The following MAGI2 variants were observed in gnomAD, a reference collection of about 807,000 sequenced individuals.
MAGI2 encodes the protein membrane-associated guanylate kinase, WW and PDZ domain-containing protein 2.
In MAGI2, 35 loss-of-function variants were observed where a neutral mutation model predicts 133.3. The ratio of observed to expected loss-of-function variants is 0.26; its 90% CI spans 0.20 to 0.35. The LOEUF is 0.35. MAGI2 is among the 10% of genes least tolerant of loss of function. The pLI is 1.00. For missense variants in MAGI2, 1,636 were observed against 1,863.4 expected (o/e 0.88, Z 2.25); for synonymous variants, 729 against 710.6 (o/e 1.03, Z -0.41).
chr7:78,249,035 T>C (rs1017838310), intron 10 of MAGI2, among the ~76,000 whole-genome samples: 1 of 150,042 alleles, frequency 6.7e-6, no homozygotes, highest in Non-Finnish European at 1.5e-5. Flanking sequence ...TAAAAAAAAA[T>C]AATAAAAAAA....
At chr7:78,782,740 C>A (rs1452847236) in intron 2 of MAGI2, among the ~76,000 whole-genome samples, 1 of 152,044 alleles carries the variant, frequency 6.6e-6, no homozygotes, top group Non-Finnish European at 1.5e-5. Flanking sequence ...GCAGATATGG[C>A]CTGGGCAAAG....
At chr7:79,080,365 T>TTA (rs1266082011) in intron 1 of MAGI2, among the ~76,000 whole-genome samples, 1 of 152,094 alleles carries the variant, frequency 6.6e-6, no homozygotes, top group Non-Finnish European at 1.5e-5. Context: ...GGTCAATAAA[T>TTA]TATATATATT....
chr7:79,010,136 A>T (rs1807903100), intron 1 of MAGI2, among the ~76,000 whole-genome samples: 1 of 152,030 alleles, frequency 6.6e-6, no homozygotes, highest in African/African-American at 2.4e-5. Flanking sequence ...GATGTGTATA[A>T]TACATGTGTG....
At chr7:78,499,197 C>A (rs1794402675) in intron 5 of MAGI2, among the ~76,000 whole-genome samples, 1 of 152,162 alleles carries the variant, frequency 6.6e-6, no homozygotes, top group Non-Finnish European at 1.5e-5. Flanking sequence ...GCTTCCTCAC[C>A]ATTCCTAATA....
chr7:78,423,282 C>T (rs955168906), intron 6 of MAGI2, among the ~76,000 whole-genome samples: 1 of 152,182 alleles, frequency 6.6e-6, no homozygotes, highest in Admixed American at 6.5e-5. Context: ...CAAGCTCTCT[C>T]TTTGCCTGAC....
At chr7:78,148,070 A>C (rs967409922) in intron 16 of MAGI2, among the ~76,000 whole-genome samples, 1 of 152,206 alleles carries the variant, frequency 6.6e-6, no homozygotes, top group African/African-American at 2.4e-5. Context: ...ATTTCCACAC[A>C]CAAAAAGACC....
intron 2 of MAGI2, among the ~76,000 whole-genome samples, chr7:78,976,216 T>C (rs991811093): frequency 6.6e-6 from 1 of 151,528 alleles, no homozygotes; most frequent in African/African-American, 2.4e-5. Flanking sequence ...ATGTATAAAA[T>C]AAGTTATAAA....
intron 2 of MAGI2, among the ~76,000 whole-genome samples, chr7:78,959,836 C>T (rs140623108): frequency 1.1e-3 from 174 of 152,212 alleles, no homozygotes; most frequent in African/African-American, 4.1e-3. Flanking sequence ...CCGGCAAACA[C>T]GGATGTGAGC....
At chr7:78,275,210 A>C (rs1794947266) in intron 9 of MAGI2, among the ~76,000 whole-genome samples, 1 of 152,138 alleles carries the variant, frequency 6.6e-6, no homozygotes, top group African/African-American at 2.4e-5. Flanking sequence ...AGAATTCCCC[A>C]ACCCCTTGTG....
In MAGI2 at chr7:78,609,193, T is replaced by C. The variant is rs139591433; in HGVS notation, c.538+17927A>G. Among the ~76,000 whole-genome samples the C allele has an allele frequency of 7.3e-3, 1,109 of 152,290 alleles. 19 individuals carry two copies. The highest frequency in any genetic ancestry group is 0.025 in the African/African-American group (1,050 of 41,550). On this transcript the variant is annotated intron_variant, in intron 3 of 21. Transcript: ENST00000354212. Reference sequence around the variant, plus strand: ...CAGCCCACTGACTCAAATGTTAATCTCCTTTGGCAACACCCTCACAGATAC... The same window carrying C: ...CAGCCCACTGACTCAAATGTTAATCCCCTTTGGCAACACCCTCACAGATAC...
Position 79,061,342 on chromosome 7 carries a change from A to G in MAGI2, c.302-54136T>C, listed in dbSNP as rs559594832. Among the ~76,000 whole-genome samples, 155 of 151,516 alleles carry G rather than the reference A, an allele frequency of 1.0e-3. 1 individual carries two copies. Among genetic ancestry groups the G allele is most frequent in the African/African-American group, 3.7e-3 (152 of 41,290 alleles). On this transcript the variant is annotated intron_variant, in intron 1 of 21. Coordinates refer to ENST00000354212, the MANE Select transcript of MAGI2 (RefSeq NM_012301.4). ...TTTCTCGGGCCTTTCATTATATGAC[A>G]CTCGTTTCCTGTATTCAAGCTCAAC... is the stretch of plus-strand genomic sequence containing the variant.
intron 9 of MAGI2, among the ~76,000 whole-genome samples, chr7:78,321,659 T>G (rs924364525): frequency 6.6e-6 from 1 of 152,040 alleles, no homozygotes; most frequent in African/African-American, 2.4e-5. Context: ...CCTAAAATCA[T>G]AAAAACCCTA....
At chr7:78,086,644 T>A (rs199646925) in intron 20 of MAGI2, among the ~76,000 whole-genome samples, 731 of 67,468 alleles carry the variant, frequency 0.011, 5 homozygotes, top group African/African-American at 0.037. Flanking sequence ...TATTATTATT[T>A]TTTTTTTTGA....
At chr7:79,055,961 C>T (rs1271083825) in intron 1 of MAGI2, among the ~76,000 whole-genome samples, 1 of 152,136 alleles carries the variant, frequency 6.6e-6, no homozygotes, top group Non-Finnish European at 1.5e-5. Flanking sequence ...CAAGTGAGAA[C>T]AATGGTGTCT....
chr7:78,022,711 A>G (rs972809836), intron 21 of MAGI2, among the ~76,000 whole-genome samples: 2 of 152,216 alleles, frequency 1.3e-5, no homozygotes, highest in African/African-American at 4.8e-5. Flanking sequence ...GAGAGTTCCT[A>G]TCCAGAAAAA....
intron 9 of MAGI2, among the ~76,000 whole-genome samples, chr7:78,303,445 C>T (rs1798010291): frequency 6.7e-6 from 1 of 148,400 alleles, no homozygotes; most frequent in Non-Finnish European, 1.5e-5. Flanking sequence ...CTTTAAAGCA[C>T]CAGAAACTTA....
chr7:78,296,465 G>T (rs762049549), intron 9 of MAGI2, among the ~76,000 whole-genome samples: 4 of 151,886 alleles, frequency 2.6e-5, no homozygotes, highest in Non-Finnish European at 5.9e-5. Flanking sequence ...CACTTATTCT[G>T]GTTTTTCTTC....
At chr7:78,590,987 C>G (rs1437439538) in intron 3 of MAGI2, among the ~76,000 whole-genome samples, 1 of 152,152 alleles carries the variant, frequency 6.6e-6, no homozygotes, top group Non-Finnish European at 1.5e-5. Context: ...TCAGAGACTC[C>G]TCCCTCTGAC....
intron 3 of MAGI2, among the ~76,000 whole-genome samples, chr7:78,539,256 A>G (rs1385830797): frequency 2.0e-5 from 3 of 149,936 alleles, no homozygotes; most frequent in Non-Finnish European, 4.4e-5. Context: ...ACTTTTGTGC[A>G]TCTATTGAGA....
Sources: allele counts gnomAD v4.1 joint callset (sites outside exome capture counted in the v4.1 genomes callset), GRCh38; gene constraint gnomAD v4.1.1; transcripts MANE v1.5; gene names NCBI Gene and HGNC (gene_info 2026-07-23, HGNC 2026-07-21).